KATNA1: variants seen among roughly 807,000 people sequenced by gnomAD.
The protein encoded by KATNA1 is katanin catalytic subunit A1.
KATNA1 carries 42 observed loss-of-function variants against 62.6 expected under a neutral mutation model. That is an observed-to-expected ratio of 0.67 (90% CI 0.52 to 0.87). The LOEUF (loss-of-function observed/expected upper bound fraction) is 0.87. KATNA1 is among the 40% of genes least tolerant of loss of function. KATNA1 has a pLI of 0.00. For missense variants in KATNA1, 498 were observed against 612.5 expected, an observed-to-expected ratio of 0.81 and a Z score of 1.97; for synonymous variants, 186 against 201.9, an observed-to-expected ratio of 0.92 and a Z score of 0.67.
intron 7 of KATNA1, among the ~76,000 whole-genome samples, chr6:149,601,121 C>T (rs1778528308): frequency 6.6e-6 from 1 of 152,096 alleles, no homozygotes; most frequent in Non-Finnish European, 1.5e-5. Context: ...TACATTTCTT[C>T]TATTGGTACT....
At chr6:149,625,664 T>G (rs532682261) in intron 3 of KATNA1, among the ~76,000 whole-genome samples, 1 of 150,966 alleles carries the variant, frequency 6.6e-6, no homozygotes, top group African/African-American at 2.4e-5. Context: ...CTGGGTGCGG[T>G]GGCTCACGCC....
chr6:149,605,165 A>C (rs2115088722), intron 4 of KATNA1, among the ~76,000 whole-genome samples: 1 of 151,252 alleles, frequency 6.6e-6, no homozygotes, highest in East Asian at 1.9e-4. Context: ...AGACCGAGAC[A>C]CCAACTCAAA....
intron 4 of KATNA1, among the ~76,000 whole-genome samples, chr6:149,610,360 A>G (rs1176973376): frequency 6.6e-6 from 1 of 152,018 alleles, no homozygotes; most frequent in Non-Finnish European, 1.5e-5. Flanking sequence ...AAAGGATCCG[A>G]CAGACATTTA....
intron 4 of KATNA1, among the ~76,000 whole-genome samples, chr6:149,616,880 AC>A (rs1219775648): frequency 6.6e-6 from 1 of 152,222 alleles, no homozygotes; most frequent in African/African-American, 2.4e-5. Flanking sequence ...AGCATTATTC[AC>A]AAAAGCCAAA....
intron 5 of KATNA1, 130 bp downstream of exon 5, chr6:149,604,530 GT>G: frequency 1.0e-6 from 1 of 956,318 alleles, no homozygotes; most frequent in Non-Finnish European, 1.6e-6. Context: ...ATGCAGGGAA[GT>G]CATGCTCACG....
intron 3 of KATNA1, among the ~76,000 whole-genome samples, chr6:149,631,898 TG>T (rs1386632908): frequency 4.6e-5 from 7 of 152,184 alleles, no homozygotes; most frequent in African/African-American, 1.7e-4. Flanking sequence ...AGTAGGAAGT[TG>T]GGGAAAAAAA....
chr6:149,614,999 G>A (rs1323215097), intron 4 of KATNA1, among the ~76,000 whole-genome samples: 1 of 151,792 alleles, frequency 6.6e-6, no homozygotes. Context: ...CAGGTGTGGT[G>A]ACACACATCT....
At position 149,601,831 on chromosome 6, in the gene KATNA1, A is replaced by T. The variant is rs1313950021; in HGVS notation, c.730-79T>A. 2.7e-6 allele frequency: 3 copies of T among 1,126,550 alleles called. No homozygotes were observed. The African/African-American group carries it at 4.8e-5, about 18-fold the overall frequency. The allele number at this position is 1,126,550 out of a possible 1,614,324, so 69.8% of individuals were successfully genotyped here. A position where few individuals can be genotyped will look rare whatever the true frequency, so the allele number is the denominator to read the frequency against. On this transcript the variant is annotated intron_variant, in intron 6 of 10. Transcript: ENST00000367411. ...CATAAAAGTGTCATTACTAAGTAGC[A>T]AATTTCGACCAACTTATATATAATA...
rs1162837330 is a variant in KATNA1, at chr6:149,638,556, G to A, written c.-9C>T. The A allele has an allele frequency of 2.5e-6, 4 of 1,598,220 alleles. No individual in the cohort carries two copies. Among genetic ancestry groups the A allele is most frequent in the Non-Finnish European group, 3.4e-6 (4 of 1,172,582 alleles). On this transcript the variant is annotated 5_prime_UTR_variant, in exon 2 of 11. Transcript: ENST00000367411. ...ATCATAAGAAGACTCATGTTCAACTGTAAGCTAAAAAGAAGAAGAAAAAAA... is the reference window on the plus strand; with the variant it reads ...ATCATAAGAAGACTCATGTTCAACTATAAGCTAAAAAGAAGAAGAAAAAAA...
intron 1 of KATNA1, among the ~76,000 whole-genome samples, chr6:149,644,931 C>A (rs1293142510): frequency 6.6e-6 from 1 of 152,192 alleles, no homozygotes; most frequent in Non-Finnish European, 1.5e-5. Context: ...TATTAAAGCA[C>A]TCTTAGTTCC....
chr6:149,597,742 C>G, intron 8 of KATNA1, 101 bp from the exon 9 acceptor site: 1 of 1,101,096 alleles, frequency 9.1e-7, no homozygotes, highest in Non-Finnish European at 1.3e-6. Context: ...TACAACAATA[C>G]AAGGAAGCAC....
intron 10 of KATNA1, among the ~76,000 whole-genome samples, chr6:149,595,747 G>C (rs148638928): frequency 9.7e-4 from 147 of 152,122 alleles, no homozygotes; most frequent in African/African-American, 3.4e-3. Flanking sequence ...TTTATGCAAA[G>C]GGATAGCAAT....
intron 1 of KATNA1, among the ~76,000 whole-genome samples, chr6:149,647,028 CTACA>C (rs910900990): frequency 6.6e-6 from 1 of 152,122 alleles, no homozygotes; most frequent in Non-Finnish European, 1.5e-5. Flanking sequence ...CCCTTGTGGA[CTACA>C]TAGCATGCCT....
At chr6:149,632,702 A>G (rs1779895532) in intron 3 of KATNA1, 57 bp downstream of exon 3, 4 of 1,461,682 alleles carry the variant, frequency 2.7e-6, no homozygotes, top group Middle Eastern at 1.9e-4. Context: ...CCTCCTAAAT[A>G]TAATCAATGC....
intron 1 of KATNA1, among the ~76,000 whole-genome samples, chr6:149,640,793 C>T (rs1432332197): frequency 1.3e-5 from 2 of 152,034 alleles, no homozygotes; most frequent in African/African-American, 2.4e-5. Flanking sequence ...GTGATCCGCC[C>T]GCCTCGGCCT....
intron 1 of KATNA1, among the ~76,000 whole-genome samples, 163 bp downstream of exon 1, chr6:149,648,306 A>C (rs968925964): frequency 1.1e-4 from 17 of 152,150 alleles, no homozygotes; most frequent in African/African-American, 4.1e-4. Context: ...CACCTAAGCC[A>C]AGTTATCGTG....
At chr6:149,618,110 G>A (rs1394307672) in intron 4 of KATNA1, among the ~76,000 whole-genome samples, 1 of 145,304 alleles carries the variant, frequency 6.9e-6, no homozygotes, top group Non-Finnish European at 1.5e-5. Context: ...AGCTGAGATC[G>A]CACCACTGCA....
At chr6:149,605,881 G>C (rs1258311622) in intron 4 of KATNA1, among the ~76,000 whole-genome samples, 1 of 152,064 alleles carries the variant, frequency 6.6e-6, no homozygotes, top group East Asian at 1.9e-4. Context: ...CAATTCTCCT[G>C]TCTCAGCCTT....
rs1778362264 is a variant in KATNA1 at position 149,597,286 on chromosome 6, A to T, written c.1151-97T>A. ...TTTGTGTGAGATGTTGTCTTCCAGT[A>T]AGAATTGGATCTCTAAGAAGAGATA... On this transcript the variant is annotated intron_variant, in intron 9 of 10. Coordinates refer to ENST00000367411, the MANE Select transcript of KATNA1 (RefSeq NM_007044.4). 3 of 1,356,400 alleles carry T rather than the reference A, an allele frequency of 2.2e-6. No individual in the cohort carries two copies. The Admixed American group carries it at 6.7e-5, about 30-fold the overall frequency. 84.0% of individuals were successfully genotyped at this position (1,356,400 alleles called of 1,614,324 possible).
Sources: gnomAD v4.1 joint callset for allele counts (sites outside exome capture counted in the v4.1 genomes callset) on GRCh38, gnomAD v4.1.1 for gene constraint, MANE v1.5 for transcripts, NCBI Gene and HGNC (gene_info 2026-07-23, HGNC 2026-07-21) for gene names.